Variants in CHMP4C observed in about 807,000 individuals in gnomAD.
CHMP4C encodes the protein charged multivesicular body protein 4C.
A neutral mutation model predicts 29.0 loss-of-function variants in CHMP4C; 28 were observed. The ratio of observed to expected loss-of-function variants is 0.97; its 90% CI spans 0.72 to 1.32. The LOEUF (loss-of-function observed/expected upper bound fraction) is 1.32. Among genes scored for constraint, CHMP4C ranks in the 40% most tolerant of loss-of-function variants. The probability of loss-of-function intolerance (pLI) is 0.00; values close to 1 mark genes in which losing one functional copy is unlikely to be tolerated. For missense variants in CHMP4C, 291 were observed against 281.0 expected (o/e 1.04, Z -0.25); for synonymous variants, 106 against 102.4 (o/e 1.04, Z -0.21).
chr8:81,746,915 C>T (rs963679762), intron 1 of CHMP4C, among the ~76,000 whole-genome samples: 1 of 152,202 alleles, frequency 6.6e-6, no homozygotes, highest in African/African-American at 2.4e-5. Context: ...TTAGTAATCA[C>T]TCACTATGTG....
At chr8:81,755,817 C>T (rs2130497318) in intron 3 of CHMP4C, among the ~76,000 whole-genome samples, 1 of 152,212 alleles carries the variant, frequency 6.6e-6, no homozygotes, top group Non-Finnish European at 1.5e-5. Flanking sequence ...AAGTAGACTT[C>T]GTCATTCTGC....
chr8:81,746,827 A>G (rs1282110669), intron 1 of CHMP4C, among the ~76,000 whole-genome samples: 2 of 152,270 alleles, frequency 1.3e-5, no homozygotes, highest in Non-Finnish European at 2.9e-5. Context: ...TGTAAGGTTC[A>G]GTGTCATACC....
At chr8:81,743,879 G>T (rs1469488108) in intron 1 of CHMP4C, among the ~76,000 whole-genome samples, 1 of 152,092 alleles carries the variant, frequency 6.6e-6, no homozygotes, top group East Asian at 1.9e-4. Context: ...AGAAGAGAGG[G>T]CACTGATCAG....
chr8:81,755,069 T>C (rs1808952877), intron 2 of CHMP4C, among the ~76,000 whole-genome samples: 2 of 152,180 alleles, frequency 1.3e-5, no homozygotes, highest in Non-Finnish European at 1.5e-5. Flanking sequence ...TTTAAATTTG[T>C]CATATGCCCT....
rs1808958507 is a variant in CHMP4C at position 81,755,371 on chromosome 8, G to A, written c.370G>A (p.Asp124Asn). 6.4e-7 allele frequency: 1 copy of A among 1,563,742 alleles called. No individual in the cohort carries two copies. The highest frequency in any genetic ancestry group is 1.4e-5 in the African/African-American group (1 of 74,050). The change falls in exon 3 of 5, where the codon GAT becomes AAT. Residue 124 changes from aspartate to asparagine, a missense_variant and splice_region_variant. By Grantham distance (23) the Asp-to-Asn change is conservative. Transcript: ENST00000297265. ...KAMKSVHENM[D>N]LNKIDDLMQE... ...GTTCAACAAAATATGATTTCCCAGG[G>A]ATCTGAACAAAATAGATGATTTGAT...
At chr8:81,744,534 A>T (rs1808800085) in intron 1 of CHMP4C, among the ~76,000 whole-genome samples, 1 of 152,234 alleles carries the variant, frequency 6.6e-6, no homozygotes, top group South Asian at 2.1e-4. Flanking sequence ...GAACAAGGTT[A>T]CTGCTACAGC....
At chr8:81,757,391 C>G (rs1055330692) in intron 3 of CHMP4C, among the ~76,000 whole-genome samples, 2 of 152,202 alleles carry the variant, frequency 1.3e-5, no homozygotes, top group South Asian at 4.1e-4. Context: ...TCAGTTGTGA[C>G]TCCCAAATTC....
At chr8:81,756,041 G>A (rs1808968000) in intron 3 of CHMP4C, among the ~76,000 whole-genome samples, 2 of 152,190 alleles carry the variant, frequency 1.3e-5, no homozygotes, top group South Asian at 4.1e-4. Flanking sequence ...GCACACACAA[G>A]TAGGACTAGT....
At chr8:81,740,550 A>G (rs1427095539) in intron 1 of CHMP4C, among the ~76,000 whole-genome samples, 2 of 152,166 alleles carry the variant, frequency 1.3e-5, no homozygotes, top group African/African-American at 4.8e-5. Context: ...GAGCTAAGGC[A>G]TAATCCCAGT....
At chr8:81,734,627 G>A (rs1395413483) in intron 1 of CHMP4C, among the ~76,000 whole-genome samples, 1 of 152,130 alleles carries the variant, frequency 6.6e-6, no homozygotes, top group African/African-American at 2.4e-5. Flanking sequence ...ACCGCACCTG[G>A]CTGATGTTGG....
rs1808749027 is a variant in CHMP4C, at chr8:81,740,409, T to C, written c.190+7593T>C. 1.3e-5 allele frequency among the ~76,000 whole-genome samples: 2 copies of C among 152,206 alleles called. 1 individual carries two copies. Among genetic ancestry groups the C allele is most frequent in the South Asian group, 4.1e-4 (2 of 4,836 alleles). ...GTTCACAATAGGTTTCTCGCTCCTA[T>C]GAGAATGTAATGCTGCTGGTGATAT... On this transcript the variant is annotated intron_variant, in intron 1 of 4. Coordinates refer to ENST00000297265, the MANE Select transcript of CHMP4C (RefSeq NM_152284.4).
intron 1 of CHMP4C, among the ~76,000 whole-genome samples, chr8:81,745,859 A>G (rs1168435827): frequency 1.3e-5 from 2 of 152,324 alleles, no homozygotes; most frequent in East Asian, 3.9e-4. Flanking sequence ...TTAAAAGCAC[A>G]TACAGGAGTT....
chr8:81,754,511 A>G (rs1225142020), intron 2 of CHMP4C, among the ~76,000 whole-genome samples: 1 of 152,134 alleles, frequency 6.6e-6, no homozygotes, highest in African/African-American at 2.4e-5. Context: ...GGAAACTCAC[A>G]AAAAAATTAC....
rs16909548 is a variant in CHMP4C at position 81,746,123 on chromosome 8, A to G, written c.191-6941A>G. Among the ~76,000 whole-genome samples, 1,473 of 152,288 alleles carry G rather than the reference A, an allele frequency of 9.7e-3. 23 individuals carry two copies. Among genetic ancestry groups the G allele is most frequent in the African/African-American group, 0.033 (1,390 of 41,544 alleles). On this transcript the variant is annotated intron_variant, in intron 1 of 4. Coordinates refer to ENST00000297265, the MANE Select transcript of CHMP4C (RefSeq NM_152284.4). ...ACTCACATACACTTCTTGGTTATTT[A>G]AAACAAAAGCCTCCTGTCTTAATGT...
rs1019167409 is a variant in CHMP4C, at chr8:81,732,519, C to T, written c.-108C>T. 4.0e-6 allele frequency: 3 copies of T among 758,412 alleles called. No homozygotes were observed. The highest frequency in any genetic ancestry group is 4.2e-6 in the Non-Finnish European group (2 of 474,854). 47.0% of individuals were successfully genotyped at this position (758,412 alleles called of 1,614,324 possible). On this transcript the variant is annotated 5_prime_UTR_variant, in exon 1 of 5. Transcript: ENST00000297265. ...GTTGATTCCCAGGAGGGCCGCCTTT[C>T]CGGTCTGGGTCCCCGAGAGGACTGC...
chr8:81,740,751 T>G (rs1201687185), intron 1 of CHMP4C, among the ~76,000 whole-genome samples: 2 of 152,228 alleles, frequency 1.3e-5, no homozygotes, highest in Non-Finnish European at 2.9e-5. Context: ...AAATGCTGGC[T>G]TCTGAACTGA....
intron 3 of CHMP4C, among the ~76,000 whole-genome samples, chr8:81,756,155 GT>G (rs1158309731): frequency 1.3e-5 from 2 of 152,124 alleles, no homozygotes; most frequent in East Asian, 3.9e-4. Context: ...GTAAGACCTG[GT>G]TCCATGGAAT....
At chr8:81,736,556 T>C (rs1057205871) in intron 1 of CHMP4C, among the ~76,000 whole-genome samples, 1 of 152,180 alleles carries the variant, frequency 6.6e-6, no homozygotes, top group Non-Finnish European at 1.5e-5. Context: ...AGGATGAATC[T>C]ACTAGGTGTG....
intron 1 of CHMP4C, 26 bp from the exon 2 acceptor site, chr8:81,753,038 A>T: frequency 6.4e-7 from 1 of 1,572,288 alleles, no homozygotes; most frequent in Non-Finnish European, 8.6e-7. Flanking sequence ...CTCTTTCCTA[A>T]TAAATGTGGC....
Sources: gnomAD v4.1 joint callset for allele counts (sites outside exome capture counted in the v4.1 genomes callset) on GRCh38, gnomAD v4.1.1 for gene constraint, MANE v1.5 for transcripts, NCBI Gene and HGNC (gene_info 2026-07-23, HGNC 2026-07-21) for gene names.